XXYLT1: variants seen among roughly 807,000 people sequenced by gnomAD.
XXYLT1 encodes the protein xyloside xylosyltransferase 1.
In XXYLT1, 20 loss-of-function variants were observed where a neutral mutation model predicts 28.9. The ratio of observed to expected loss-of-function variants is 0.69; its 90% CI spans 0.49 to 1.00. XXYLT1 has a LOEUF of 1.00. XXYLT1 is among the 50% of genes least tolerant of loss of function. The pLI is 0.00. For missense variants in XXYLT1, 542 were observed against 560.1 expected (o/e 0.97, Z 0.33); for synonymous variants, 257 against 253.8 (o/e 1.01, Z -0.12).
chr3:195,086,038 G>A (rs1715710115), intron 3 of XXYLT1: 1 of 152,186 alleles, frequency 6.6e-6, no homozygotes, highest in Non-Finnish European at 1.5e-5. Context: ...GACAGGGGCA[G>A]CTGCATTAAA....
chr3:195,096,509 G>A (rs1053673377), intron 3 of XXYLT1, among the ~76,000 whole-genome samples: 2 of 152,024 alleles, frequency 1.3e-5, no homozygotes, highest in Admixed American at 6.5e-5. Context: ...AAACACACAC[G>A]ATACACACAC....
At chr3:195,215,183 G>A (rs1723515477) in intron 2 of XXYLT1, among the ~76,000 whole-genome samples, 1 of 151,028 alleles carries the variant, frequency 6.6e-6, no homozygotes, top group African/African-American at 2.4e-5. Flanking sequence ...ACTAAACATG[G>A]AAAGGAACAA....
In XXYLT1 at chr3:195,165,312, G is replaced by A. The variant is rs533885060; in HGVS notation, c.653-8731C>T. ...TCAGCCTCCTCCAGCCAACTACGGC[G>A]GAAGCACCAACAACCAAGAGAGGCG... On this transcript the variant is annotated intron_variant, in intron 2 of 3. Coordinates refer to ENST00000310380, the MANE Select transcript of XXYLT1 (RefSeq NM_152531.5). Among the ~76,000 whole-genome samples the A allele has an allele frequency of 1.2e-4, 18 of 152,132 alleles. No homozygotes were observed. The East Asian group carries it at 2.9e-3, about 25-fold the overall frequency.
intron 2 of XXYLT1, chr3:195,175,585 C>T (rs1721624388): frequency 6.5e-7 from 1 of 1,535,746 alleles, no homozygotes; most frequent in East Asian, 2.4e-5. Flanking sequence ...GTTTCAGAAG[C>T]AGGTCTCAGA....
At chr3:195,071,123 C>T (rs543136583) in intron 3 of XXYLT1, among the ~76,000 whole-genome samples, 2 of 152,306 alleles carry the variant, frequency 1.3e-5, no homozygotes, top group South Asian at 4.1e-4. Context: ...CAAGCCCACA[C>T]CCACAGAGGA....
At chr3:195,122,275 G>A (rs1009694653) in intron 3 of XXYLT1, 1 of 668,192 alleles carries the variant, frequency 1.5e-6, no homozygotes, top group East Asian at 2.7e-5. Flanking sequence ...AATTTTGGGG[G>A]GATACAATTA....
intron 2 of XXYLT1, among the ~76,000 whole-genome samples, chr3:195,169,148 A>G (rs1401931497): frequency 1.4e-5 from 2 of 140,534 alleles, no homozygotes; most frequent in African/African-American, 6.6e-5. Flanking sequence ...GCCGACCATG[A>G]TGGCTACACA....
chr3:195,160,631 G>C (rs28613110), intron 2 of XXYLT1, among the ~76,000 whole-genome samples: 19,103 of 152,214 alleles, frequency 0.13, 1,398 homozygotes, highest in East Asian at 0.27. Flanking sequence ...GCCTGCGGGA[G>C]CCAAAGGGCA....
At chr3:195,220,279 C>A (rs139866657) in intron 2 of XXYLT1, among the ~76,000 whole-genome samples, 1 of 152,144 alleles carries the variant, frequency 6.6e-6, no homozygotes, top group Non-Finnish European at 1.5e-5. Context: ...GTAGCTGGGA[C>A]TACAGGCGCC....
intron 3 of XXYLT1, among the ~76,000 whole-genome samples, chr3:195,084,295 GCAGGGATCAGCTAGGCTGCTCCCTGCCC>G (rs1046743915): frequency 6.6e-6 from 1 of 152,112 alleles, no homozygotes; most frequent in African/African-American, 2.4e-5. Flanking sequence ...TGGGAAGATG[GCAGGGATCAGCTAGGCTGCTCCCTGCCC>G]CAGGGATACT....
At chr3:195,172,404 G>C (rs1339508880) in intron 2 of XXYLT1, among the ~76,000 whole-genome samples, 4 of 152,222 alleles carry the variant, frequency 2.6e-5, no homozygotes, top group Admixed American at 1.3e-4. Flanking sequence ...TCCGGGGCCA[G>C]GGGAAGTACC....
chr3:195,068,820 C>T lies in XXYLT1; in HGVS notation c.*895G>A, dbSNP rs753142052. The T allele has an allele frequency of 1.3e-5, 2 of 152,142 alleles. No individual in the cohort carries two copies. The highest frequency in any genetic ancestry group is 2.4e-5 in the African/African-American group (1 of 41,410). 9.4% of individuals were successfully genotyped at this position (152,142 alleles called of 1,614,324 possible). A position where few individuals can be genotyped will look rare whatever the true frequency, so the allele number is the denominator to read the frequency against. On this transcript the variant is annotated 3_prime_UTR_variant, in exon 4 of 4. Coordinates refer to ENST00000310380, the MANE Select transcript of XXYLT1 (RefSeq NM_152531.5). Reference sequence around the variant, plus strand: ...CTGATCTCGACCTCCGAGGCTCAATCGATACCCCCACCTCGGTCTCCCAAA... The same window carrying T: ...CTGATCTCGACCTCCGAGGCTCAATTGATACCCCCACCTCGGTCTCCCAAA...
intron 3 of XXYLT1, among the ~76,000 whole-genome samples, chr3:195,106,900 G>T (rs1386543923): frequency 0.024 from 1 of 42 alleles, no homozygotes; most frequent in Non-Finnish European, 0.033. Flanking sequence ...TGGGGGTGAC[G>T]GGGGGAGGAG....
At chr3:195,112,846 C>A (rs1717847955) in intron 3 of XXYLT1, among the ~76,000 whole-genome samples, 1 of 149,122 alleles carries the variant, frequency 6.7e-6, no homozygotes, top group Admixed American at 6.7e-5. Context: ...CGCACACACA[C>A]CCACACGCAT....
rs377130175 is a variant in XXYLT1, at chr3:195,088,658, A to G, written c.786-18547T>C. Among the ~76,000 whole-genome samples, 225 of 133,320 alleles carry G rather than the reference A, an allele frequency of 1.7e-3. 2 individuals are homozygous for G. Among genetic ancestry groups the G allele is most frequent in the East Asian group, 0.013 (53 of 4,060 alleles). 87.5% of individuals were successfully genotyped at this position (133,320 alleles called of 152,430 possible). On this transcript the variant is annotated intron_variant, in intron 3 of 3. Transcript: ENST00000310380. ...AGGAACGCAGTTCCTCACCAGCAAC[A>G]GAACAAAGCTGGATGGAGAATGACT...
intron 3 of XXYLT1, among the ~76,000 whole-genome samples, chr3:195,149,394 C>T (rs1205327760): frequency 6.6e-6 from 1 of 152,138 alleles, no homozygotes; most frequent in African/African-American, 2.4e-5. Flanking sequence ...TAAACATCTC[C>T]ATGGGCCAGG....
chr3:195,148,928 G>A (rs1283625784), intron 3 of XXYLT1, among the ~76,000 whole-genome samples: 1 of 152,180 alleles, frequency 6.6e-6, no homozygotes, highest in African/African-American at 2.4e-5. Context: ...AATAATCAGG[G>A]GAAGAGGAAA....
intron 3 of XXYLT1, among the ~76,000 whole-genome samples, chr3:195,147,222 G>A (rs971886984): frequency 1.8e-4 from 27 of 152,100 alleles, no homozygotes; most frequent in African/African-American, 6.5e-4. Flanking sequence ...CTTCTACTTC[G>A]TAATTCCTCA....
chr3:195,200,228 A>G (rs1722795807), intron 2 of XXYLT1, among the ~76,000 whole-genome samples: 1 of 152,246 alleles, frequency 6.6e-6, no homozygotes, highest in African/African-American at 2.4e-5. Context: ...GCCGTGAAGC[A>G]GCGTGGCGAA....
Sources: allele counts gnomAD v4.1 joint callset (sites outside exome capture counted in the v4.1 genomes callset), GRCh38; gene constraint gnomAD v4.1.1; transcripts MANE v1.5; gene names NCBI Gene and HGNC (gene_info 2026-07-23, HGNC 2026-07-21).